Variants in PRSS23 observed in about 807,000 individuals in gnomAD.
PRSS23 encodes serine protease 23.
A neutral mutation model predicts 34.7 loss-of-function variants in PRSS23; 25 were observed. The ratio of observed to expected loss-of-function variants is 0.72; its 90% CI spans 0.53 to 1.01. The LOEUF is 1.01. Ranked by LOEUF, PRSS23 falls within the 50% of genes least tolerant of loss-of-function variation. The pLI is 0.00. For synonymous variants in PRSS23, 176 were observed against 186.6 expected (o/e 0.94, Z 0.46); for missense variants, 445 against 475.6 (o/e 0.94, Z 0.60).
intron 2 of PRSS23, among the ~76,000 whole-genome samples, chr11:86,839,676 G>A (rs1310029121): frequency 6.6e-6 from 1 of 151,810 alleles, no homozygotes; most frequent in East Asian, 1.9e-4. Context: ...TGAAATGAAG[G>A]AAAAATGTTA....
intron 2 of PRSS23, among the ~76,000 whole-genome samples, chr11:86,868,248 C>T (rs1207162590): frequency 2.6e-5 from 4 of 152,080 alleles, no homozygotes; most frequent in Non-Finnish European, 5.9e-5. Context: ...AAGCACTGAC[C>T]ATTCTCTAGT....
At chr11:86,925,892 C>A (rs1478092019) in intron 2 of PRSS23, among the ~76,000 whole-genome samples, 1 of 152,102 alleles carries the variant, frequency 6.6e-6, no homozygotes, top group African/African-American at 2.4e-5. Flanking sequence ...GTTTGACCTT[C>A]AAGTAGAAAT....
At chr11:86,869,335 T>C (rs997053183) in intron 2 of PRSS23, among the ~76,000 whole-genome samples, 12 of 152,124 alleles carry the variant, frequency 7.9e-5, no homozygotes, top group African/African-American at 2.7e-4. Context: ...ACAGAAGTCA[T>C]TTTCTGGTTC....
chr11:86,812,113 T>C (rs1468275417), downstream of PRSS23, among the ~76,000 whole-genome samples: 1 of 152,218 alleles, frequency 6.6e-6, no homozygotes. Context: ...CTATGACTAA[T>C]GAAGCTGGGG....
rs1207187904 is a variant in PRSS23 at position 86,929,322 on chromosome 11, C to CA, written c.207-21882dup. Among the ~76,000 whole-genome samples the CA allele has an allele frequency of 9.6e-3, 941 of 98,412 alleles. 10 individuals are homozygous for CA. Among genetic ancestry groups the CA allele is most frequent in the African/African-American group, 0.022 (589 of 26,884 alleles). The allele number at this position is 98,412 out of a possible 152,430, so 64.6% of individuals were successfully genotyped here. On this transcript the variant is annotated intron_variant, in intron 2 of 2. Transcript: ENST00000533902. ...GGGCAACAACAGCGAAACTCCGTCT[C>CA]AAAAAAAAAAAACAAAAAAAAAAAC...
At chr11:86,827,611 G>T (rs575365359) in intron 2 of PRSS23, among the ~76,000 whole-genome samples, 3 of 152,130 alleles carry the variant, frequency 2.0e-5, no homozygotes, top group African/African-American at 7.2e-5. Flanking sequence ...GATCTTTCCT[G>T]CTTTCTCTTG....
At chr11:86,891,574 G>A (rs891941691) in intron 2 of PRSS23, among the ~76,000 whole-genome samples, 1 of 152,160 alleles carries the variant, frequency 6.6e-6, no homozygotes, top group Non-Finnish European at 1.5e-5. Context: ...TCTTTTGGGT[G>A]TTAGATTTTT....
chr11:86,881,936 A>G (rs2508436), intron 2 of PRSS23, among the ~76,000 whole-genome samples: 70,492 of 151,942 alleles, frequency 0.46, 17,669 homozygotes, highest in Non-Finnish European at 0.56. Flanking sequence ...TTATAACACC[A>G]GTAGTAATGT....
At chr11:86,944,299 CCTAATCTAGT>C (rs1415019926) in intron 2 of PRSS23, among the ~76,000 whole-genome samples, 1 of 151,506 alleles carries the variant, frequency 6.6e-6, no homozygotes, top group African/African-American at 2.4e-5. Context: ...TAGAACCCAC[CCTAATCTAGT>C]AAGTATGAAC....
intron 2 of PRSS23, among the ~76,000 whole-genome samples, chr11:86,939,418 A>T (rs1257911930): frequency 9.2e-5 from 8 of 87,016 alleles, no homozygotes; most frequent in Non-Finnish European, 1.9e-4. Flanking sequence ...ATATATATAT[A>T]TATATATATT....
intron 2 of PRSS23, among the ~76,000 whole-genome samples, chr11:86,865,330 G>T (rs1053706504): frequency 9.2e-5 from 14 of 152,168 alleles, no homozygotes; most frequent in African/African-American, 3.1e-4. Flanking sequence ...GGGGATGACC[G>T]TAGTAATGAC....
intron 2 of PRSS23, among the ~76,000 whole-genome samples, chr11:86,901,574 G>T (rs1239457192): frequency 6.6e-6 from 1 of 152,122 alleles, no homozygotes; most frequent in Non-Finnish European, 1.5e-5. Context: ...AGTTATAAAG[G>T]ACTTTGAGGA....
chr11:86,832,860 T>A (rs1220741886), intron 2 of PRSS23: 1 of 317,990 alleles, frequency 3.1e-6, no homozygotes, highest in Non-Finnish European at 6.1e-6. Context: ...AGGAAATACA[T>A]GACTATGTTA....
At chr11:86,815,544 G>C (rs573883507), downstream of PRSS23, among the ~76,000 whole-genome samples, 12 of 152,324 alleles carry the variant, frequency 7.9e-5, no homozygotes, top group Middle Eastern at 3.4e-3. Flanking sequence ...ACACATCCCA[G>C]AATAAAACTC....
intron 2 of PRSS23, among the ~76,000 whole-genome samples, chr11:86,891,982 A>G (rs1394312856): frequency 1.3e-5 from 2 of 152,204 alleles, no homozygotes; most frequent in East Asian, 1.9e-4. Context: ...TAAATGACCT[A>G]GTCTCAAGCA....
chr11:86,876,178 G>A (rs1024908150), intron 2 of PRSS23, among the ~76,000 whole-genome samples: 9 of 140,072 alleles, frequency 6.4e-5, no homozygotes, highest in South Asian at 2.3e-4. Flanking sequence ...GCATAGTGGC[G>A]GGTGAGATAT....
chr11:86,842,283 C>T (rs1278739602), intron 2 of PRSS23, among the ~76,000 whole-genome samples: 1 of 152,178 alleles, frequency 6.6e-6, no homozygotes, highest in Non-Finnish European at 1.5e-5. Flanking sequence ...GAACGTATCT[C>T]AAAATAATAA....
intron 1 of PRSS23, among the ~76,000 whole-genome samples, chr11:86,822,466 G>A (rs1016535986): frequency 4.0e-5 from 6 of 151,842 alleles, no homozygotes; most frequent in Non-Finnish European, 8.8e-5. Flanking sequence ...ACACAACATC[G>A]AAAAATTAGC....
chr11:86,811,504 A>G (rs772034406), downstream of PRSS23, among the ~76,000 whole-genome samples: 2 of 152,284 alleles, frequency 1.3e-5, no homozygotes, highest in East Asian at 1.9e-4. Context: ...CATGTTTTAC[A>G]TAGACTTTAC....
Sources: gnomAD v4.1 joint callset for allele counts (sites outside exome capture counted in the v4.1 genomes callset) on GRCh38, gnomAD v4.1.1 for gene constraint, MANE v1.5 for transcripts, NCBI Gene and HGNC (gene_info 2026-07-23, HGNC 2026-07-21) for gene names.